RASSF8: variants seen among roughly 807,000 people sequenced by gnomAD.
The protein encoded by RASSF8 is ras association domain-containing protein 8.
RASSF8 carries 22 observed loss-of-function variants against 48.5 expected under a neutral mutation model. That is an observed-to-expected ratio of 0.45 (90% CI 0.32 to 0.65). The LOEUF is 0.65. Ranked by LOEUF, RASSF8 falls within the 30% of genes least tolerant of loss-of-function variation. RASSF8 has a pLI of 0.03. For missense variants in RASSF8, 418 were observed against 489.2 expected (o/e 0.85, Z 1.37); for synonymous variants, 127 against 171.5 (o/e 0.74, Z 2.03).
At chr12:25,966,578 C>T (rs1236955562) in intron 1 of RASSF8, among the ~76,000 whole-genome samples, 1 of 152,128 alleles carries the variant, frequency 6.6e-6, no homozygotes, top group Non-Finnish European at 1.5e-5. Context: ...GTTTTTTATG[C>T]TATCTTTGTA....
intron 2 of RASSF8, chr12:26,020,584 A>T (rs1444774044): frequency 2.6e-5 from 4 of 152,180 alleles, no homozygotes; most frequent in Admixed American, 6.5e-5. Context: ...ACATGAGCTG[A>T]GCTATCTGCT....
At chr12:26,027,151 A>G (rs1056265919) in intron 2 of RASSF8, among the ~76,000 whole-genome samples, 3 of 152,226 alleles carry the variant, frequency 2.0e-5, no homozygotes, top group African/African-American at 7.2e-5. Flanking sequence ...ATCCATAGAG[A>G]CTGAAAGGAA....
intron 2 of RASSF8, among the ~76,000 whole-genome samples, chr12:26,038,606 AAAACACACAC>A (rs1735688491): frequency 1.2e-5 from 1 of 85,880 alleles, no homozygotes. Flanking sequence ...TGTTCTTATT[AAAACACACAC>A]ACACACACAC....
intron 2 of RASSF8, among the ~76,000 whole-genome samples, chr12:26,046,172 T>G (rs958318319): frequency 5.9e-5 from 9 of 152,222 alleles, no homozygotes; most frequent in Non-Finnish European, 1.0e-4. Context: ...CTTATTTCTG[T>G]GGCAACAATT....
At chr12:26,051,836 C>T (rs1449144050) in intron 2 of RASSF8, among the ~76,000 whole-genome samples, 6 of 152,224 alleles carry the variant, frequency 3.9e-5, no homozygotes, top group Non-Finnish European at 5.9e-5. Context: ...CCACACCCAA[C>T]AGCACTATAA....
At chr12:25,965,308 A>G (rs1369687113) in intron 1 of RASSF8, among the ~76,000 whole-genome samples, 1 of 151,980 alleles carries the variant, frequency 6.6e-6, no homozygotes, top group African/African-American at 2.4e-5. Flanking sequence ...ACAATTTTAC[A>G]AGATTTGATC....
intron 2 of RASSF8, among the ~76,000 whole-genome samples, chr12:25,997,094 A>G (rs1773265392): frequency 6.6e-6 from 1 of 152,198 alleles, no homozygotes; most frequent in African/African-American, 2.4e-5. Context: ...ATATTAGAGA[A>G]TAATTTACAG....
intron 2 of RASSF8, among the ~76,000 whole-genome samples, chr12:26,012,386 G>A (rs1942547195): frequency 6.6e-6 from 1 of 152,090 alleles, no homozygotes; most frequent in Non-Finnish European, 1.5e-5. Flanking sequence ...TCCTCAAATA[G>A]CAGTGTAACT....
chr12:26,028,974 G>GA (rs1164439020), intron 2 of RASSF8, among the ~76,000 whole-genome samples: 1 of 152,086 alleles, frequency 6.6e-6, no homozygotes, highest in Non-Finnish European at 1.5e-5. Flanking sequence ...AAAACTAATT[G>GA]AAAAAAGCCG....
intron 2 of RASSF8, 83 bp downstream of exon 2, chr12:25,995,213 A>C (rs1942105433): frequency 6.6e-6 from 1 of 152,108 alleles, no homozygotes; most frequent in Non-Finnish European, 1.5e-5. Context: ...AAAACCTTTC[A>C]AAGTTTTGGG....
Position 25,958,883 on chromosome 12 carries a change from C to T in RASSF8, c.-468C>T, listed in dbSNP as rs1941150735. 1 of 147,072 alleles carries T rather than the reference C, an allele frequency of 6.8e-6. No homozygotes were observed. The highest frequency in any genetic ancestry group is 6.8e-5 in the Admixed American group (1 of 14,810). 9.1% of individuals were successfully genotyped at this position (147,072 alleles called of 1,614,324 possible). The stretch of plus-strand genomic sequence containing the variant: ...GCTCCCGCGGCGTCTCTGCCGCTGG[C>T]CGAGCGCTCGCGCACCGCGGCACCC... On this transcript the variant is annotated 5_prime_UTR_variant, in exon 1 of 6. Coordinates refer to ENST00000689635, the MANE Select transcript of RASSF8 (RefSeq NM_001394098.1).
chr12:25,975,803 G>A (rs1941590992), intron 1 of RASSF8, among the ~76,000 whole-genome samples: 1 of 152,188 alleles, frequency 6.6e-6, no homozygotes, highest in South Asian at 2.1e-4. Context: ...AATACCTGGG[G>A]ACAGTGGCAT....
chr12:25,994,770 G>T (rs1281136460), intron 1 of RASSF8, among the ~76,000 whole-genome samples: 1 of 152,106 alleles, frequency 6.6e-6, no homozygotes, highest in African/African-American at 2.4e-5. Flanking sequence ...CCAATCAAAT[G>T]ACCTTTTATA....
At chr12:26,018,805 G>A (rs991452828) in intron 2 of RASSF8, among the ~76,000 whole-genome samples, 4 of 152,204 alleles carry the variant, frequency 2.6e-5, no homozygotes, top group African/African-American at 9.6e-5. Flanking sequence ...TGGCCTCTTG[G>A]CAATCAGATA....
At chr12:26,050,805 C>T (rs1199853650) in intron 2 of RASSF8, among the ~76,000 whole-genome samples, 1 of 152,148 alleles carries the variant, frequency 6.6e-6, no homozygotes, top group African/African-American at 2.4e-5. Flanking sequence ...ATCAGATGCT[C>T]ATTTTGCTGG....
chr12:26,056,155 A>G (rs967510263), intron 3 of RASSF8, among the ~76,000 whole-genome samples: 1 of 152,238 alleles, frequency 6.6e-6, no homozygotes, highest in African/African-American at 2.4e-5. Flanking sequence ...ACTGCACTAC[A>G]GCTTGGGTGA....
chr12:26,033,834 A>G (rs1019000429), intron 2 of RASSF8, among the ~76,000 whole-genome samples: 22 of 152,098 alleles, frequency 1.4e-4, no homozygotes, highest in African/African-American at 5.3e-4. Context: ...CTCAGCTCCC[A>G]TCTCCTACCA....
intron 1 of RASSF8, among the ~76,000 whole-genome samples, chr12:25,974,861 G>A (rs559597250): frequency 2.6e-5 from 4 of 152,178 alleles, no homozygotes; most frequent in African/African-American, 9.6e-5. Context: ...AATTGATGTC[G>A]GTGGATTGGG....
chr12:26,076,158 A>G (rs1411978952), downstream of RASSF8, among the ~76,000 whole-genome samples: 1 of 151,924 alleles, frequency 6.6e-6, no homozygotes, highest in African/African-American at 2.4e-5. Context: ...CCCAGGCTAC[A>G]TATTCCCGAT....
Sources: gnomAD v4.1 joint callset for allele counts (sites outside exome capture counted in the v4.1 genomes callset) on GRCh38, gnomAD v4.1.1 for gene constraint, MANE v1.5 for transcripts, NCBI Gene and HGNC (gene_info 2026-07-23, HGNC 2026-07-21) for gene names.